Variants in C10orf105 observed in about 807,000 individuals in gnomAD.
The protein encoded by C10orf105 is chromosome 10 open reading frame 105, also known as uncharacterized protein C10orf105.
Under a neutral mutation model 0.6 loss-of-function variants are expected in C10orf105, and 2 were observed. The ratio of observed to expected loss-of-function variants is 3.18; its 90% CI spans 1.30 to 10.01. The LOEUF (loss-of-function observed/expected upper bound fraction) is 10.01, where lower values mean the gene tolerates loss of function less well. Ranked by LOEUF, C10orf105 falls within the 30% of genes most tolerant of loss-of-function variation. The probability of loss-of-function intolerance (pLI) is 0.04; values close to 1 mark genes in which losing one functional copy is unlikely to be tolerated. For missense variants in C10orf105, 209 were observed against 191.4 expected (o/e 1.09, Z -0.54); for synonymous variants, 95 against 82.4 (o/e 1.15, Z -0.83).
intron 1 of C10orf105, chr10:71,730,469 G>A (rs1839334151): frequency 6.2e-7 from 1 of 1,613,614 alleles, no homozygotes; most frequent in Non-Finnish European, 8.5e-7. Context: ...GCTCCCACAG[G>A]TGATTGTGTA....
intron 1 of C10orf105, among the ~76,000 whole-genome samples, chr10:71,726,185 G>A (rs1002493882): frequency 7.9e-5 from 12 of 152,070 alleles, no homozygotes; most frequent in African/African-American, 2.2e-4. Context: ...TCTCAAGGCC[G>A]CTTCACCCCC....
upstream of C10orf105, among the ~76,000 whole-genome samples, chr10:71,720,113 A>G (rs1243169312): frequency 6.6e-6 from 1 of 152,204 alleles, no homozygotes; most frequent in Non-Finnish European, 1.5e-5. Context: ...CCTGCCAGCC[A>G]CCAGGTTACC....
chr10:71,720,627 T>G (rs1866512732), upstream of C10orf105, among the ~76,000 whole-genome samples: 1 of 152,134 alleles, frequency 6.6e-6, no homozygotes, highest in African/African-American at 2.4e-5. Flanking sequence ...ACCCATTCCC[T>G]TTTTTGGAGC....
intron 1 of C10orf105, among the ~76,000 whole-genome samples, chr10:71,719,298 A>T (rs1263567085): frequency 6.6e-6 from 1 of 152,154 alleles, no homozygotes; most frequent in East Asian, 1.9e-4. Flanking sequence ...AAGGCCAGGA[A>T]TCATCTGGAG....
At chr10:71,736,667 CT>C (rs1839574656) in intron 1 of C10orf105, among the ~76,000 whole-genome samples, 1 of 152,214 alleles carries the variant, frequency 6.6e-6, no homozygotes. Context: ...CCCCTCACCC[CT>C]GCCTTGCAGC....
chr10:71,731,118 C>T (rs531184771), intron 1 of C10orf105, among the ~76,000 whole-genome samples: 2 of 152,238 alleles, frequency 1.3e-5, no homozygotes, highest in South Asian at 2.1e-4. Context: ...GCCCCAGAGG[C>T]GGCCACAGCC....
At position 71,729,840 on chromosome 10, in the gene C10orf105, A is replaced by AT. The variant is rs111460455; in HGVS notation, c.-6+7887dup. ...AGTGTGAACTATTTTATTATTATTA[A>AT]TTTTTTTTTTTTGAGATGGAGTCTC... On this transcript the variant is annotated intron_variant, in intron 1 of 1. Coordinates refer to the C10orf105 transcript ENST00000398786. Among the ~76,000 whole-genome samples, 1,126 of 147,086 alleles carry AT rather than the reference A, an allele frequency of 7.7e-3. 14 individuals are homozygous for AT. The highest frequency in any genetic ancestry group is 0.024 in the African/African-American group (973 of 40,266).
upstream of C10orf105, among the ~76,000 whole-genome samples, chr10:71,721,760 T>C (rs1315741702): frequency 6.6e-6 from 1 of 152,216 alleles, no homozygotes; most frequent in African/African-American, 2.4e-5. Context: ...CTCCCTGTCC[T>C]GTGGAGGTTC....
At chr10:71,724,747 T>C (rs1000653855), upstream of C10orf105, among the ~76,000 whole-genome samples, 8 of 152,184 alleles carry the variant, frequency 5.3e-5, no homozygotes, top group African/African-American at 1.9e-4. Flanking sequence ...CCAATCAGAA[T>C]CCAGTGCCCA....
chr10:71,721,546 G>A (rs1866555301), upstream of C10orf105, among the ~76,000 whole-genome samples: 1 of 152,178 alleles, frequency 6.6e-6, no homozygotes, highest in Non-Finnish European at 1.5e-5. Context: ...GTGCCATAGA[G>A]AGTAAGTGAC....
intron 1 of C10orf105, among the ~76,000 whole-genome samples, chr10:71,728,566 G>A (rs1053963093): frequency 6.6e-6 from 1 of 152,186 alleles, no homozygotes; most frequent in Non-Finnish European, 1.5e-5. Flanking sequence ...GTGACCAGAT[G>A]CCAGACACAC....
upstream of C10orf105, among the ~76,000 whole-genome samples, chr10:71,722,419 G>C (rs1043148317): frequency 4.6e-5 from 7 of 152,220 alleles, no homozygotes; most frequent in Non-Finnish European, 7.3e-5. Flanking sequence ...ATGCAAACCA[G>C]GGCTGAATGT....
intron 1 of C10orf105, among the ~76,000 whole-genome samples, chr10:71,719,377 C>T (rs1298467826): frequency 1.3e-5 from 2 of 152,220 alleles, no homozygotes; most frequent in African/African-American, 4.8e-5. Flanking sequence ...GGACATATCT[C>T]TGCAAGCTCA....
At chr10:71,727,987 G>T (rs1432104799) in intron 1 of C10orf105, among the ~76,000 whole-genome samples, 1 of 152,148 alleles carries the variant, frequency 6.6e-6, no homozygotes, top group Admixed American at 6.5e-5. Flanking sequence ...GACTCATGGA[G>T]GACAGGCCAC....
At chr10:71,719,145 C>T (rs1866432597) in intron 1 of C10orf105, among the ~76,000 whole-genome samples, 2 of 152,094 alleles carry the variant, frequency 1.3e-5, no homozygotes, top group Non-Finnish European at 2.9e-5. Flanking sequence ...CCTGTGGCAA[C>T]GAGAGATTCC....
chr10:71,732,077 A>G, intron 1 of C10orf105: 1 of 1,614,010 alleles, frequency 6.2e-7, no homozygotes, highest in Non-Finnish European at 8.5e-7. Context: ...ATCACCGTGA[A>G]TTACCTGGAC....
At chr10:71,716,776 G>A (rs566642507) in intron 1 of C10orf105, 2 of 166,442 alleles carry the variant, frequency 1.2e-5, no homozygotes, top group Admixed American at 1.3e-4. Flanking sequence ...TAATACCAAA[G>A]CTGCAAACTG....
chr10:71,720,686 G>C (rs1866515875), upstream of C10orf105, among the ~76,000 whole-genome samples: 1 of 152,210 alleles, frequency 6.6e-6, no homozygotes, highest in South Asian at 2.1e-4. Context: ...CCCATAAAAA[G>C]AGGCACTGTC....
Position 71,715,617 on chromosome 10 carries a change from C to T in C10orf105, c.*319G>A, listed in dbSNP as rs1866179306. ...TCTGTGGCGAGCGAGGGTGCTGCTT[C>T]TAGGAGGTGGTTACGAGCCCCAGGT... On this transcript the variant is annotated 3_prime_UTR_variant, in exon 2 of 2. Coordinates refer to ENST00000441508, the MANE Select transcript of C10orf105 (RefSeq NM_001164375.3). 1 of 250,696 alleles carries T rather than the reference C, an allele frequency of 4.0e-6. No individual in the cohort carries two copies. The highest frequency in any genetic ancestry group is 7.6e-6 in the Non-Finnish European group (1 of 131,654). 15.5% of individuals were successfully genotyped at this position (250,696 alleles called of 1,614,324 possible).
Sources: gnomAD v4.1 joint callset for allele counts (sites outside exome capture counted in the v4.1 genomes callset) on GRCh38, gnomAD v4.1.1 for gene constraint, MANE v1.5 for transcripts, NCBI Gene and HGNC (gene_info 2026-07-23, HGNC 2026-07-21) for gene names.